Variants in LRRTM4 observed in about 807,000 individuals in gnomAD.
LRRTM4 encodes leucine rich repeat transmembrane neuronal 4.
LRRTM4 carries 25 observed loss-of-function variants against 47.6 expected under a neutral mutation model. The ratio of observed to expected loss-of-function variants is 0.53; its 90% CI spans 0.38 to 0.73. The LOEUF (loss-of-function observed/expected upper bound fraction) is 0.73. Among genes scored for constraint, LRRTM4 ranks in the 30% least tolerant of loss-of-function variants. The pLI, the probability that LRRTM4 is intolerant of heterozygous loss-of-function variation, is 0.00. For missense variants in LRRTM4, 638 were observed against 713.4 expected, an observed-to-expected ratio of 0.89 and a Z score of 1.20; for synonymous variants, 311 against 269.5, an observed-to-expected ratio of 1.15 and a Z score of -1.51.
chr2:77,095,004 G>A (rs1368744647), intron 3 of LRRTM4, among the ~76,000 whole-genome samples: 1 of 152,120 alleles, frequency 6.6e-6, no homozygotes, highest in African/African-American at 2.4e-5. Flanking sequence ...TAGATTGGGA[G>A]AAATATTTGC....
intron 3 of LRRTM4, among the ~76,000 whole-genome samples, chr2:77,280,007 C>T (rs1403939687): frequency 6.6e-6 from 1 of 152,012 alleles, no homozygotes; most frequent in Non-Finnish European, 1.5e-5. Flanking sequence ...GAACCTATGA[C>T]CATGCTAGTC....
At chr2:77,304,279 T>C (rs1677214436) in intron 3 of LRRTM4, among the ~76,000 whole-genome samples, 1 of 151,752 alleles carries the variant, frequency 6.6e-6, no homozygotes, top group South Asian at 2.1e-4. Context: ...CTTTTGCCCA[T>C]TTTTAAAATC....
At chr2:76,875,982 G>A (rs1322339026) in intron 3 of LRRTM4, among the ~76,000 whole-genome samples, 1 of 152,038 alleles carries the variant, frequency 6.6e-6, no homozygotes, top group Non-Finnish European at 1.5e-5. Context: ...TACCAGTTAT[G>A]GGAGAAACCA....
intron 3 of LRRTM4, among the ~76,000 whole-genome samples, chr2:77,480,111 G>C (rs1677612785): frequency 6.6e-6 from 1 of 152,078 alleles, no homozygotes; most frequent in Non-Finnish European, 1.5e-5. Context: ...TGATGTCAGA[G>C]AGAGATGGGG....
intron 3 of LRRTM4, among the ~76,000 whole-genome samples, chr2:77,264,484 T>TG (rs780001124): frequency 4.7e-4 from 72 of 152,216 alleles, no homozygotes; most frequent in African/African-American, 9.1e-4. Context: ...ACAGCCATAC[T>TG]GGGGGTTAGG....
At chr2:76,819,176 A>G (rs1037583559) in intron 3 of LRRTM4, among the ~76,000 whole-genome samples, 1 of 151,892 alleles carries the variant, frequency 6.6e-6, no homozygotes, top group Non-Finnish European at 1.5e-5. Flanking sequence ...AAAGGTAAAC[A>G]ATCATAATAG....
At chr2:76,785,053 A>ACAT (rs1674601000) in intron 3 of LRRTM4, among the ~76,000 whole-genome samples, 1 of 152,074 alleles carries the variant, frequency 6.6e-6, no homozygotes, top group Non-Finnish European at 1.5e-5. Context: ...GACTGTATGA[A>ACAT]CATTGAATCT....
In LRRTM4 at chr2:76,774,547, T is replaced by C. The variant is rs910571528; in HGVS notation, c.1552-25631A>G. On this transcript the variant is annotated intron_variant, in intron 3 of 3. Coordinates refer to ENST00000409884, the MANE Select transcript of LRRTM4 (RefSeq NM_001134745.3). ...AAAGACAAAATATATTTAGTATTCA[T>C]TAAGTGAAAATGGATTATGATAAAG... Among the ~76,000 whole-genome samples the C allele has an allele frequency of 2.0e-5, 3 of 152,260 alleles. No homozygotes were observed. In the East Asian group the frequency reaches 5.8e-4, roughly 29 times the overall value.
rs866203055 is a variant in LRRTM4 at position 76,834,237 on chromosome 2, G to C, written c.1552-85321C>G. Among the ~76,000 whole-genome samples, 18 of 149,822 alleles carry C rather than the reference G, an allele frequency of 1.2e-4. 1 individual carries two copies. Among genetic ancestry groups the C allele is most frequent in the Middle Eastern group, 6.8e-3 (2 of 292 alleles). ...TTTTTTTTTTTGTATTTTTAGTAGA[G>C]ATGGGGTTTCACTATATTGGCCAGT... is the stretch of plus-strand genomic sequence containing the variant. On this transcript the variant is annotated intron_variant, in intron 3 of 3. Transcript: ENST00000409884.
At chr2:77,186,100 A>G (rs1161044157) in intron 3 of LRRTM4, among the ~76,000 whole-genome samples, 1 of 152,134 alleles carries the variant, frequency 6.6e-6, no homozygotes, top group Non-Finnish European at 1.5e-5. Flanking sequence ...TTTCATCTTT[A>G]ATATCATATC....
chr2:77,466,266 G>A (rs920340447), intron 3 of LRRTM4, among the ~76,000 whole-genome samples: 1 of 152,294 alleles, frequency 6.6e-6, no homozygotes, highest in Non-Finnish European at 1.5e-5. Context: ...GCAGAATTCT[G>A]ATTTCTAAAA....
chr2:77,445,923 T>C (rs193246289), intron 3 of LRRTM4, among the ~76,000 whole-genome samples: 5 of 152,080 alleles, frequency 3.3e-5, no homozygotes, highest in Admixed American at 6.6e-5. Flanking sequence ...ACATAGCAAG[T>C]AGTCAGTGAA....
intron 3 of LRRTM4, among the ~76,000 whole-genome samples, chr2:76,926,668 C>G (rs1362594376): frequency 6.6e-6 from 1 of 152,158 alleles, no homozygotes; most frequent in East Asian, 1.9e-4. Flanking sequence ...AAGGATGAGT[C>G]TGACCCCTTC....
intron 3 of LRRTM4, among the ~76,000 whole-genome samples, chr2:76,972,749 G>T (rs188605401): frequency 1.2e-4 from 18 of 152,032 alleles, no homozygotes; most frequent in African/African-American, 4.3e-4. Context: ...CTTTCTGTGT[G>T]CAGTGTGGTA....
intron 3 of LRRTM4, among the ~76,000 whole-genome samples, chr2:76,966,243 G>A (rs1418155624): frequency 6.6e-6 from 1 of 151,316 alleles, no homozygotes; most frequent in East Asian, 2.0e-4. Context: ...GAGGGGAGGA[G>A]AAAGGAGGAA....
chr2:77,411,992 C>G (rs1401920016), intron 3 of LRRTM4, among the ~76,000 whole-genome samples: 1 of 152,138 alleles, frequency 6.6e-6, no homozygotes, highest in African/African-American at 2.4e-5. Flanking sequence ...TAGGAATGAA[C>G]TGCTGTGGCA....
chr2:76,995,350 G>C (rs1451983014), intron 3 of LRRTM4, among the ~76,000 whole-genome samples: 1 of 152,036 alleles, frequency 6.6e-6, no homozygotes, highest in Non-Finnish European at 1.5e-5. Context: ...TTCTGGTCAA[G>C]ATATTGCTGT....
At chr2:77,291,972 C>G (rs1676836139) in intron 3 of LRRTM4, among the ~76,000 whole-genome samples, 1 of 151,780 alleles carries the variant, frequency 6.6e-6, no homozygotes, top group Non-Finnish European at 1.5e-5. Context: ...TATCCAGAAT[C>G]TACAATGAAC....
At chr2:76,933,675 G>A (rs552784372) in intron 3 of LRRTM4, among the ~76,000 whole-genome samples, 2 of 152,208 alleles carry the variant, frequency 1.3e-5, no homozygotes, top group Admixed American at 1.3e-4. Context: ...TTGATTGAAA[G>A]CTGCCAGATA....
Sources: gnomAD v4.1 joint callset for allele counts (sites outside exome capture counted in the v4.1 genomes callset) on GRCh38, gnomAD v4.1.1 for gene constraint, MANE v1.5 for transcripts, NCBI Gene and HGNC (gene_info 2026-07-23, HGNC 2026-07-21) for gene names.